STX18: variants seen among roughly 807,000 people sequenced by gnomAD.
STX18 encodes syntaxin-18.
Under a neutral mutation model 50.1 loss-of-function variants are expected in STX18, and 40 were observed. The ratio of observed to expected loss-of-function variants is 0.80; its 90% CI spans 0.62 to 1.04. The LOEUF is 1.04. STX18 is among the 50% of genes least tolerant of loss of function. The probability of loss-of-function intolerance (pLI) is 0.00; values close to 1 mark genes in which losing one functional copy is unlikely to be tolerated. For missense variants in STX18, 410 were observed against 415.8 expected (o/e 0.99, Z 0.12); for synonymous variants, 158 against 151.8 (o/e 1.04, Z -0.30).
intron 8 of STX18, among the ~76,000 whole-genome samples, 158 bp downstream of exon 8, chr4:4,425,006 G>C (rs1383120546): frequency 6.6e-6 from 1 of 152,194 alleles, no homozygotes; most frequent in Non-Finnish European, 1.5e-5. Context: ...TGTGGATTCA[G>C]GCCACATGCC....
intron 1 of STX18, among the ~76,000 whole-genome samples, chr4:4,530,060 A>G (rs1467605577): frequency 6.6e-6 from 1 of 152,142 alleles, no homozygotes; most frequent in African/African-American, 2.4e-5. Flanking sequence ...TTGCTTGCTC[A>G]TAACATTTTT....
chr4:4,534,370 T>C (rs1250153404), intron 1 of STX18, among the ~76,000 whole-genome samples: 1 of 152,212 alleles, frequency 6.6e-6, no homozygotes, highest in Non-Finnish European at 1.5e-5. Context: ...ATTGTAATCT[T>C]CTACCATTTA....
At chr4:4,508,761 C>T (rs1050136657) in intron 1 of STX18, among the ~76,000 whole-genome samples, 1 of 152,084 alleles carries the variant, frequency 6.6e-6, no homozygotes, top group East Asian at 1.9e-4. Context: ...CACCATGTGT[C>T]CATGTGTTCT....
At chr4:4,484,004 GGTGCGT>G in intron 1 of STX18, among the ~76,000 whole-genome samples, 2 of 152,086 alleles carry the variant, frequency 1.3e-5, no homozygotes, top group African/African-American at 4.8e-5. Context: ...TGGGACTACA[GGTGCGT>G]GCCACCATGC....
chr4:4,503,044 AT>A (rs1729528829), intron 1 of STX18, among the ~76,000 whole-genome samples: 1 of 152,142 alleles, frequency 6.6e-6, no homozygotes, highest in Non-Finnish European at 1.5e-5. Flanking sequence ...AGGGCTCCCA[AT>A]TTTTTTCCAT....
chr4:4,489,863 TC>T (rs1346164420), intron 1 of STX18, among the ~76,000 whole-genome samples: 1 of 152,210 alleles, frequency 6.6e-6, no homozygotes, highest in Non-Finnish European at 1.5e-5. Flanking sequence ...TTATATCTTT[TC>T]ATTCTACATG....
At chr4:4,501,555 C>T (rs1004988551) in intron 1 of STX18, among the ~76,000 whole-genome samples, 8 of 152,204 alleles carry the variant, frequency 5.3e-5, no homozygotes, top group African/African-American at 1.7e-4. Flanking sequence ...AGTCACACTA[C>T]ATGACCTCTC....
chr4:4,486,755 A>G (rs572525729), intron 1 of STX18, among the ~76,000 whole-genome samples: 7 of 152,352 alleles, frequency 4.6e-5, no homozygotes, highest in African/African-American at 1.7e-4. Flanking sequence ...AGAGGAAAAA[A>G]CATTTTACTC....
intron 1 of STX18, chr4:4,476,056 C>T (rs1199745901): frequency 1.3e-5 from 2 of 152,176 alleles, no homozygotes; most frequent in Non-Finnish European, 2.9e-5. Flanking sequence ...GCAGCATCAC[C>T]ATGTAAAATC....
intron 2 of STX18, among the ~76,000 whole-genome samples, chr4:4,470,063 C>T (rs1384445950): frequency 2.0e-5 from 3 of 152,170 alleles, no homozygotes; most frequent in African/African-American, 7.2e-5. Flanking sequence ...TGCCAGCCCA[C>T]GAGAATGCAA....
chr4:4,465,681 T>C (rs1427063176), intron 2 of STX18, among the ~76,000 whole-genome samples: 1 of 152,134 alleles, frequency 6.6e-6, no homozygotes, highest in African/African-American at 2.4e-5. Context: ...ACCTGGGTGA[T>C]GGGATGATCT....
intron 1 of STX18, among the ~76,000 whole-genome samples, chr4:4,508,267 C>T (rs1012696394): frequency 5.3e-5 from 8 of 152,120 alleles, no homozygotes; most frequent in Non-Finnish European, 2.9e-5. Context: ...ATGTGGACCT[C>T]ACCACATATC....
intron 8 of STX18, among the ~76,000 whole-genome samples, chr4:4,424,781 C>T (rs958065690): frequency 2.0e-5 from 3 of 152,214 alleles, no homozygotes; most frequent in Non-Finnish European, 4.4e-5. Context: ...CCAGTGGAAC[C>T]ATTTGCAGAA....
At chr4:4,532,502 T>C (rs1355036358) in intron 1 of STX18, among the ~76,000 whole-genome samples, 1 of 151,736 alleles carries the variant, frequency 6.6e-6, no homozygotes, top group Non-Finnish European at 1.5e-5. Flanking sequence ...TTTCAGAGAC[T>C]CAGGGAAAAT....
chr4:4,436,935 T>C (rs1034384230), intron 6 of STX18, among the ~76,000 whole-genome samples: 2 of 150,934 alleles, frequency 1.3e-5, no homozygotes, highest in South Asian at 2.1e-4. Context: ...TTTTATTTTT[T>C]CAGGTCCAGA....
At chr4:4,535,264 C>T (rs1048195314) in intron 1 of STX18, among the ~76,000 whole-genome samples, 5 of 152,134 alleles carry the variant, frequency 3.3e-5, no homozygotes, top group Admixed American at 2.6e-4. Context: ...ACCAGATGTT[C>T]AGTGTTTATT....
chr4:4,503,393 T>C (rs1229602638), intron 1 of STX18, among the ~76,000 whole-genome samples: 1 of 152,232 alleles, frequency 6.6e-6, no homozygotes. Context: ...TGTATTTTTA[T>C]TGTTGTTGTT....
chr4:4,440,085 G>A (rs531701596), intron 5 of STX18, among the ~76,000 whole-genome samples: 34 of 152,288 alleles, frequency 2.2e-4, no homozygotes, highest in African/African-American at 7.0e-4. Context: ...ATAAGAAAAC[G>A]TTTAGGTTAT....
chr4:4,465,974 T>C (rs1727601792), intron 2 of STX18, among the ~76,000 whole-genome samples: 1 of 152,156 alleles, frequency 6.6e-6, no homozygotes, highest in African/African-American at 2.4e-5. Context: ...AATAAGCTGA[T>C]TAATGAATCA....
Sources: allele counts gnomAD v4.1 joint callset (sites outside exome capture counted in the v4.1 genomes callset), GRCh38; gene constraint gnomAD v4.1.1; transcripts MANE v1.5; gene names NCBI Gene and HGNC (gene_info 2026-07-23, HGNC 2026-07-21).